KLF5: variants seen among roughly 807,000 people sequenced by gnomAD.
KLF5 encodes the protein Krueppel-like factor 5.
Under a neutral mutation model 36.9 loss-of-function variants are expected in KLF5, and 9 were observed. The observed-to-expected ratio is 0.24, with a 90% confidence interval of 0.15 to 0.43. The LOEUF (loss-of-function observed/expected upper bound fraction) is 0.43. KLF5 is among the 20% of genes least tolerant of loss of function. The pLI, the probability that KLF5 is intolerant of heterozygous loss-of-function variation, is 1.00. For missense variants in KLF5, 524 were observed against 599.5 expected, an observed-to-expected ratio of 0.87 and a Z score of 1.31; for synonymous variants, 246 against 241.7, an observed-to-expected ratio of 1.02 and a Z score of -0.17.
At chr13:73,063,493 T>G (rs2044655690) in intron 2 of KLF5, among the ~76,000 whole-genome samples, 1 of 152,176 alleles carries the variant, frequency 6.6e-6, no homozygotes, top group South Asian at 2.1e-4. Flanking sequence ...TACTGTCAGC[T>G]CTAGAGCCAT....
intron 3 of KLF5, among the ~76,000 whole-genome samples, chr13:73,069,854 G>A (rs2044710193): frequency 6.6e-6 from 1 of 152,170 alleles, no homozygotes; most frequent in African/African-American, 2.4e-5. Flanking sequence ...TTTGTTCATA[G>A]ACTAAATAGA....
Position 73,075,970 on chromosome 13 carries a change from C to CAAAAAAAAAAAA in KLF5, c.*87_*88insAAAAAAAAAAAA. ...TATTCCTGTGTAAAAACAACAAAAA[C>CAAAAAAAAAAAA]AAACAAAAGCAAGAAAACCACAACT... is the stretch of plus-strand genomic sequence containing the variant. On this transcript the variant is annotated 3_prime_UTR_variant, in exon 4 of 4. Coordinates refer to ENST00000377687, the MANE Select transcript of KLF5 (RefSeq NM_001730.5). 2 of 1,063,506 alleles carry CAAAAAAAAAAAA rather than the reference C, an allele frequency of 1.9e-6. No homozygotes were observed. The highest frequency in any genetic ancestry group is 2.6e-5 in the South Asian group (1 of 38,198). The allele number at this position is 1,063,506 out of a possible 1,614,324, so 65.9% of individuals were successfully genotyped here. A position where few individuals can be genotyped will look rare whatever the true frequency, so the allele number is the denominator to read the frequency against.
chr13:73,071,278 TGAG>T (rs997607862), intron 3 of KLF5, among the ~76,000 whole-genome samples: 53 of 152,134 alleles, frequency 3.5e-4, no homozygotes, highest in African/African-American at 1.3e-3. Flanking sequence ...AAATATAAAT[TGAG>T]GAGAGAAAGG....
At chr13:73,059,726 C>G (rs12585710) in intron 1 of KLF5, 138 bp downstream of exon 1, 61,782 of 898,236 alleles carry the variant, frequency 0.069, 2,432 homozygotes, top group South Asian at 0.076. Context: ...GGGTGGGCAG[C>G]CCCGCCCTGC....
intron 2 of KLF5, 97 bp downstream of exon 2, chr13:73,062,831 T>A: frequency 5.9e-6 from 6 of 1,014,682 alleles, no homozygotes; most frequent in Non-Finnish European, 8.6e-6. Flanking sequence ...GCGCGTGCCC[T>A]TTTCAACCTC....
chr13:73,075,618 T>G (rs2044754091), intron 3 of KLF5, 90 bp from the exon 4 acceptor site: 1 of 1,163,378 alleles, frequency 8.6e-7, no homozygotes, highest in East Asian at 2.4e-5. Flanking sequence ...TGGCCAAGAT[T>G]TTTTTTTTCT....
chr13:73,075,945 T>A lies in KLF5; in HGVS notation c.*59T>A. On this transcript the variant is annotated 3_prime_UTR_variant, in exon 4 of 4. Transcript: ENST00000377687. ...GGCTCCCTCAAATGACAGACCTAAC[T>A]ATTCCTGTGTAAAAACAACAAAAAC... is the stretch of plus-strand genomic sequence containing the variant. The A allele has an allele frequency of 1.5e-6, 2 of 1,342,506 alleles. No individual in the cohort carries two copies. Among genetic ancestry groups the A allele is most frequent in the East Asian group, 2.6e-5 (1 of 38,948 alleles). 83.2% of individuals were successfully genotyped at this position (1,342,506 alleles called of 1,614,324 possible). A position where few individuals can be genotyped will look rare whatever the true frequency, so the allele number is the denominator to read the frequency against.
At chr13:73,073,196 C>T (rs770456971) in intron 3 of KLF5, among the ~76,000 whole-genome samples, 5 of 152,214 alleles carry the variant, frequency 3.3e-5, no homozygotes, top group Non-Finnish European at 7.3e-5. Flanking sequence ...CCCAAGTCTG[C>T]TGTTTGGCCA....
upstream of KLF5, among the ~76,000 whole-genome samples, chr13:73,056,673 C>A (rs73518681): frequency 8.5e-3 from 1,294 of 152,304 alleles, 26 homozygotes; most frequent in African/African-American, 0.029. Flanking sequence ...AATTTCCGTA[C>A]TATTGTACAG....
intron 1 of KLF5, among the ~76,000 whole-genome samples, chr13:73,060,101 G>C (rs1328171869): frequency 6.8e-6 from 1 of 146,154 alleles, no homozygotes; most frequent in East Asian, 2.1e-4. Context: ...TGCGGGCCGC[G>C]TTTGGAAAAT....
intron 3 of KLF5, among the ~76,000 whole-genome samples, chr13:73,073,257 A>C (rs188290212): frequency 1.2e-3 from 183 of 152,366 alleles, no homozygotes; most frequent in Admixed American, 0.01. Flanking sequence ...CGGTGTTGAC[A>C]CTTGAACAAA....
At chr13:73,061,742 G>A in intron 1 of KLF5, 119 bp from the exon 2 acceptor site, 1 of 824,220 alleles carries the variant, frequency 1.2e-6, no homozygotes, top group South Asian at 1.6e-5. Context: ...GCAACACTGA[G>A]GAGTTTGCCC....
intron 3 of KLF5, among the ~76,000 whole-genome samples, chr13:73,073,019 G>A (rs2044733367): frequency 6.6e-6 from 1 of 152,200 alleles, no homozygotes; most frequent in African/African-American, 2.4e-5. Flanking sequence ...TACAGTTGAT[G>A]TTGAAAGAGC....
intron 3 of KLF5, among the ~76,000 whole-genome samples, chr13:73,069,424 G>C (rs2044706730): frequency 6.6e-6 from 1 of 152,100 alleles, no homozygotes; most frequent in Non-Finnish European, 1.5e-5. Flanking sequence ...GTCTCTATTT[G>C]AAAACTATTG....
intron 3 of KLF5, among the ~76,000 whole-genome samples, chr13:73,072,275 G>C (rs890988904): frequency 2.0e-5 from 3 of 152,118 alleles, no homozygotes; most frequent in Non-Finnish European, 4.4e-5. Flanking sequence ...TTTTAAAATG[G>C]CTTACAAACA....
At chr13:73,060,351 C>T (rs1257944250) in intron 1 of KLF5, among the ~76,000 whole-genome samples, 1 of 152,046 alleles carries the variant, frequency 6.6e-6, no homozygotes, top group South Asian at 2.1e-4. Context: ...GACTTTTAGC[C>T]TGTCCCAAGG....
chr13:73,070,442 G>A (rs1010775029), intron 3 of KLF5, among the ~76,000 whole-genome samples: 1 of 152,274 alleles, frequency 6.6e-6, no homozygotes, highest in African/African-American at 2.4e-5. Context: ...GTGTTGTCTC[G>A]TTATCAGGAG....
At chr13:73,064,186 T>A (rs1039894113) in intron 3 of KLF5, among the ~76,000 whole-genome samples, 1 of 152,024 alleles carries the variant, frequency 6.6e-6, no homozygotes, top group African/African-American at 2.4e-5. Context: ...ATACTGGCAG[T>A]GTTTTGAAGG....
chr13:73,068,966 C>G (rs959058874), intron 3 of KLF5, among the ~76,000 whole-genome samples: 1 of 152,028 alleles, frequency 6.6e-6, no homozygotes, highest in East Asian at 1.9e-4. Flanking sequence ...CATGGTGGCA[C>G]ATGCCTATAG....
Sources: gnomAD v4.1 joint callset for allele counts (sites outside exome capture counted in the v4.1 genomes callset) on GRCh38, gnomAD v4.1.1 for gene constraint, MANE v1.5 for transcripts, NCBI Gene and HGNC (gene_info 2026-07-23, HGNC 2026-07-21) for gene names.